CYP4A22: variants seen among roughly 807,000 people sequenced by gnomAD.
CYP4A22 encodes cytochrome P450 family 4 subfamily A member 22, also known as cytochrome P450 4A22.
CYP4A22 carries 46 observed loss-of-function variants against 56.2 expected under a neutral mutation model. The observed-to-expected ratio is 0.82, with a 90% CI of 0.65 to 1.05. CYP4A22 has a LOEUF of 1.05. CYP4A22 is among the 50% of genes least tolerant of loss of function. CYP4A22 has a pLI of 0.00. For missense variants in CYP4A22, 541 were observed against 645.9 expected (o/e 0.84, Z 1.76); for synonymous variants, 193 against 251.1 (o/e 0.77, Z 2.19).
chr1:47,143,838 G>C lies in CYP4A22; in HGVS notation c.712G>C (p.Glu238Gln), dbSNP rs757407453. Residue 238 changes from glutamate (E) to glutamine (Q), a missense_variant, in exon 6 of 12, where the codon GAG becomes CAG. This residue lies in a region of CYP4A22 where 335 missense variants were observed against 361.2 expected (regional missense o/e 0.93). Coordinates refer to ENST00000371891, the MANE Select transcript of CYP4A22 (RefSeq NM_001010969.4). ...TTGCTGTATGAGGAATGCCTTTCAT[G>C]AGAATGACACCATCTACAGCCTGAC... ...VFCCMRNAFHENDTIYSLTSA... is the reference protein window; with the variant it reads ...VFCCMRNAFHQNDTIYSLTSA... 1.5e-5 allele frequency: 24 copies of C among 1,614,016 alleles called. 1 individual carries two copies. The highest frequency in any genetic ancestry group is 1.2e-4 in the South Asian group (11 of 91,078).
Position 47,141,622 on chromosome 1 carries a change from G to C in CYP4A22, c.382+7G>C. ...TTCCTGGCTCCACGGATTGGTATGTGTGCAAACTAGGACTGCAGCCCACTC... is the reference window on the plus strand; with the variant it reads ...TTCCTGGCTCCACGGATTGGTATGTCTGCAAACTAGGACTGCAGCCCACTC... On this transcript the variant is annotated splice_region_variant and intron_variant, in intron 3 of 11. Coordinates refer to ENST00000371891, the MANE Select transcript of CYP4A22 (RefSeq NM_001010969.4). 2 of 1,613,636 alleles carry C rather than the reference G, an allele frequency of 1.2e-6. No individual in the cohort carries two copies. Among genetic ancestry groups the C allele is most frequent in the Non-Finnish European group, 1.7e-6 (2 of 1,179,718 alleles).
At chr1:47,139,106 C>T (rs1199138814) in intron 1 of CYP4A22, among the ~76,000 whole-genome samples, 8 of 152,246 alleles carry the variant, frequency 5.3e-5, no homozygotes, top group African/African-American at 1.9e-4. Context: ...ACCTCACTAC[C>T]TGCCTCTGCA....
chr1:47,146,233 G>A (rs1367959298), intron 11 of CYP4A22, 80 bp downstream of exon 11: 10 of 1,610,532 alleles, frequency 6.2e-6, no homozygotes, highest in East Asian at 2.2e-5. Context: ...TGAGCCCGAT[G>A]TTCATATGTG....
At chr1:47,143,234 G>C (rs1164350896) in intron 4 of CYP4A22, 35 bp from the exon 5 acceptor site, 1 of 1,569,526 alleles carries the variant, frequency 6.4e-7, no homozygotes, top group Non-Finnish European at 8.7e-7. Flanking sequence ...GCACTTCTTG[G>C]AGATTAAGAA....
chr1:47,147,119 G>A (rs1645084646), intron 11 of CYP4A22: 1 of 985,322 alleles, frequency 1.0e-6, no homozygotes, highest in African/African-American at 1.7e-5. Context: ...AACAAAGTTT[G>A]TTCAAAGAAA....
In CYP4A22 at chr1:47,144,729, C is replaced by T. The variant is rs1336847004; in HGVS notation, c.1077C>T (p.Ala359=). The T allele has an allele frequency of 1.2e-6, 2 of 1,613,952 alleles. No individual in the cohort carries two copies. Among genetic ancestry groups the T allele is most frequent in the Admixed American group, 1.7e-5 (1 of 60,000 alleles). Residue 359 remains alanine (A), a synonymous_variant, in exon 8 of 12, where the codon GCC becomes GCT. Transcript: ENST00000371891. ...TCCATGGCCTCCTGGGTGATGGAGCCTCCATCACCTGGTGAGTGAGGGCTC... is the reference window on the plus strand; with the variant it reads ...TCCATGGCCTCCTGGGTGATGGAGCTTCCATCACCTGGTGAGTGAGGGCTC... ...EEIHGLLGDG[A]SITWNHLDQM...
At position 47,138,681 on chromosome 1, in the gene CYP4A22, G is replaced by A. The variant is rs1459910999; in HGVS notation, c.195+1001G>A. 2.0e-5 allele frequency among the ~76,000 whole-genome samples: 3 copies of A among 152,194 alleles called. No individual in the cohort carries two copies. In the East Asian group the frequency reaches 5.8e-4, roughly 29 times the overall value. On this transcript the variant is annotated intron_variant, in intron 1 of 11. Coordinates refer to ENST00000371891, the MANE Select transcript of CYP4A22 (RefSeq NM_001010969.4). Reference sequence around the variant, plus strand: ...TTAGTGTTCGTGTATTTTATGCACGGCCCAAGATAATTATTTTTCTTCCAA... The same window carrying A: ...TTAGTGTTCGTGTATTTTATGCACGACCCAAGATAATTATTTTTCTTCCAA...
At chr1:47,146,911 C>G in intron 11 of CYP4A22, 1 of 985,410 alleles carries the variant, frequency 1.0e-6, no homozygotes, top group Non-Finnish European at 1.2e-6. Flanking sequence ...AGTACACTGT[C>G]TTGGAGAGAA....
intron 1 of CYP4A22, among the ~76,000 whole-genome samples, chr1:47,138,664 C>T (rs557036368): frequency 4.6e-5 from 7 of 152,236 alleles, no homozygotes; most frequent in Non-Finnish European, 7.4e-5. Flanking sequence ...CATTAGTGTT[C>T]GTGTATTTTA....
chr1:47,145,401 C>A (rs919803995), intron 9 of CYP4A22, among the ~76,000 whole-genome samples: 1 of 152,162 alleles, frequency 6.6e-6, no homozygotes, highest in African/African-American at 2.4e-5. Context: ...TCTGGGGCCA[C>A]CAAGCCTCAA....
At chr1:47,146,510 A>G (rs1645078151) in intron 11 of CYP4A22, 2 of 1,127,786 alleles carry the variant, frequency 1.8e-6, no homozygotes, top group Non-Finnish European at 2.2e-6. Flanking sequence ...TGCTTTTCTC[A>G]GTTGTCAGGA....
intron 4 of CYP4A22, 114 bp downstream of exon 4, chr1:47,142,349 C>T: frequency 6.9e-7 from 1 of 1,447,346 alleles, no homozygotes; most frequent in Non-Finnish European, 9.2e-7. Flanking sequence ...CATGGAACAA[C>T]ACTCTCAGGT....
intron 11 of CYP4A22, chr1:47,146,807 C>T: frequency 1.0e-6 from 1 of 986,560 alleles, no homozygotes; most frequent in Non-Finnish European, 1.2e-6. Flanking sequence ...TCTATTTCCC[C>T]ATTTGGCAAA....
Position 47,148,931 on chromosome 1 carries a change from C to G in CYP4A22, c.*134C>G. On this transcript the variant is annotated 3_prime_UTR_variant, in exon 12 of 12. Transcript: ENST00000371891. ...TGTCCCCCAGTCTGCCTGCCCTTCT[C>G]TCTCTCACCTTTCTCCAAGCTCCCT... is the stretch of plus-strand genomic sequence containing the variant. 1.0e-6 allele frequency: 1 copy of G among 992,744 alleles called. No individual in the cohort carries two copies. Among genetic ancestry groups the G allele is most frequent in the African/African-American group, 1.7e-5 (1 of 58,902 alleles). The allele number at this position is 992,744 out of a possible 1,614,324, so 61.5% of individuals were successfully genotyped here. A position where few individuals can be genotyped will look rare whatever the true frequency, so the allele number is the denominator to read the frequency against.
chr1:47,146,329 G>A, intron 11 of CYP4A22, 176 bp downstream of exon 11: 14 of 1,495,296 alleles, frequency 9.4e-6, no homozygotes, highest in Non-Finnish European at 1.2e-5. Flanking sequence ...AAAGGAAGGT[G>A]GCATTCAGAG....
intron 9 of CYP4A22, 22 bp downstream of exon 9, chr1:47,144,992 T>C (rs1645060589): frequency 6.2e-7 from 1 of 1,613,488 alleles, no homozygotes; most frequent in South Asian, 1.1e-5. Context: ...CCCCACCCTC[T>C]CACCCAAAGT....
Position 47,148,788 on chromosome 1 carries a change from C to A in CYP4A22, c.1551C>A (p.Asp517Glu), listed in dbSNP as rs762499977. ...RRLPNPCEDK[D>E]QL ...TCCCTAACCCTTGTGAAGACAAGGA[C>A]CAGCTTTGAGGGCCTCCACCTGCCA... The change falls in exon 12 of 12, where the codon GAC becomes GAA. Residue 517 changes from aspartate (D) to glutamate (E), a missense_variant. Transcript: ENST00000371891. The A allele has an allele frequency of 5.0e-6, 8 of 1,606,354 alleles. No individual in the cohort carries two copies. The East Asian group carries it at 6.7e-5, about 13-fold the overall frequency.
chr1:47,143,586 C>A (rs930180006), intron 5 of CYP4A22, among the ~76,000 whole-genome samples, 176 bp from the exon 6 acceptor site: 4 of 152,190 alleles, frequency 2.6e-5, no homozygotes, highest in African/African-American at 9.7e-5. Context: ...CAGGTGGACC[C>A]TGGATGTTCA....
chr1:47,137,628 T>C lies in CYP4A22; in HGVS notation c.143T>C (p.Leu48Pro). The C allele has an allele frequency of 6.2e-7, 1 of 1,614,060 alleles. No homozygotes were observed. Among genetic ancestry groups the C allele is most frequent in the South Asian group, 1.1e-5 (1 of 91,060 alleles). Residue 48 changes from leucine to proline, a missense_variant, in exon 1 of 12, where the codon CTC becomes CCC. Leu to Pro is a moderately conservative substitution (Grantham distance 98). Transcript: ENST00000371891. ...CATAGGCAGTGGCTGCTCAAAGCCC[T>C]CCAGCAGTTCCCGTGCCCTCCCTCC... is the stretch of plus-strand genomic sequence containing the variant. ...YLHRQWLLKA[L>P]QQFPCPPSHW...
Sources: gnomAD v4.1 joint callset for allele counts (sites outside exome capture counted in the v4.1 genomes callset) on GRCh38, gnomAD v4.1.1 for gene constraint, gnomAD v4.1.1 regional missense constraint, MANE v1.5 for transcripts, NCBI Gene and HGNC (gene_info 2026-07-23, HGNC 2026-07-21) for gene names.